SCFD2: variants seen among roughly 807,000 people sequenced by gnomAD.
The protein encoded by SCFD2 is sec1 family domain-containing protein 2.
SCFD2 carries 54 observed loss-of-function variants against 58.9 expected under a neutral mutation model. The ratio of observed to expected loss-of-function variants is 0.92; its 90% CI spans 0.74 to 1.15. SCFD2 has a LOEUF of 1.15. Among genes scored for constraint, SCFD2 ranks in the 50% most tolerant of loss-of-function variants. The probability of loss-of-function intolerance (pLI) is 0.00; values close to 1 mark genes in which losing one functional copy is unlikely to be tolerated. For missense variants in SCFD2, 805 were observed against 836.6 expected (o/e 0.96, Z 0.47); for synonymous variants, 321 against 335.9 (o/e 0.96, Z 0.49).
chr4:53,258,617 C>T (rs1180653489), intron 4 of SCFD2, among the ~76,000 whole-genome samples: 1 of 146,420 alleles, frequency 6.8e-6, no homozygotes, highest in Non-Finnish European at 1.5e-5. Context: ...TTTATCCACC[C>T]ATTGATTGAT....
intron 5 of SCFD2, among the ~76,000 whole-genome samples, chr4:53,040,290 G>C (rs942898368): frequency 2.0e-5 from 3 of 152,068 alleles, no homozygotes; most frequent in Admixed American, 2.0e-4. Flanking sequence ...TATGAGAGAG[G>C]GAGGTGAGCT....
intron 5 of SCFD2, among the ~76,000 whole-genome samples, chr4:53,138,581 T>C (rs891427464): frequency 6.6e-6 from 1 of 152,142 alleles, no homozygotes; most frequent in Non-Finnish European, 1.5e-5. Flanking sequence ...TCCCTACCAT[T>C]GAAAAGCAGA....
chr4:53,212,625 GTGT>G (rs1728657711), intron 4 of SCFD2, among the ~76,000 whole-genome samples: 1 of 142,574 alleles, frequency 7.0e-6, no homozygotes, highest in Admixed American at 6.9e-5. Flanking sequence ...GTGTCTGTGT[GTGT>G]TGACGTGGAA....
intron 4 of SCFD2, among the ~76,000 whole-genome samples, chr4:53,240,674 A>G (rs538428898): frequency 6.6e-6 from 1 of 152,380 alleles, no homozygotes; most frequent in East Asian, 1.9e-4. Flanking sequence ...TACAGAAAAC[A>G]AAACAAAACA....
intron 5 of SCFD2, among the ~76,000 whole-genome samples, chr4:52,998,913 G>A (rs1721803458): frequency 6.6e-6 from 1 of 152,064 alleles, no homozygotes; most frequent in Non-Finnish European, 1.5e-5. Context: ...TGAGCTATAG[G>A]GTTGGAGAAC....
intron 5 of SCFD2, among the ~76,000 whole-genome samples, chr4:52,970,832 G>T (rs957048251): frequency 6.6e-6 from 1 of 152,206 alleles, no homozygotes; most frequent in African/African-American, 2.4e-5. Context: ...CCAGAGGAAC[G>T]ATCAGGCAGC....
chr4:53,129,031 T>G (rs1298668466), intron 5 of SCFD2, among the ~76,000 whole-genome samples: 2 of 152,244 alleles, frequency 1.3e-5, no homozygotes, highest in Admixed American at 6.5e-5. Context: ...AAGAGTTTAG[T>G]CATTTTACAG....
intron 5 of SCFD2, among the ~76,000 whole-genome samples, chr4:52,946,209 C>T (rs1720421476): frequency 6.6e-6 from 1 of 151,978 alleles, no homozygotes; most frequent in Non-Finnish European, 1.5e-5. Flanking sequence ...GATGGTTTGC[C>T]AGCTATGTTT....
chr4:53,300,922 T>C (rs1481572310), intron 3 of SCFD2, among the ~76,000 whole-genome samples: 6 of 151,946 alleles, frequency 3.9e-5, no homozygotes, highest in African/African-American at 7.3e-5. Context: ...ACACAACATA[T>C]CAGAATCTCT....
At chr4:52,924,887 CAGCTCATTCCA>C (rs1193234416) in intron 5 of SCFD2, among the ~76,000 whole-genome samples, 1 of 152,178 alleles carries the variant, frequency 6.6e-6, no homozygotes, top group Non-Finnish European at 1.5e-5. Flanking sequence ...TCTGTGAATG[CAGCTCATTCCA>C]AATATATGCT....
chr4:53,263,152 A>G (rs1730876833), intron 4 of SCFD2, among the ~76,000 whole-genome samples: 2 of 151,742 alleles, frequency 1.3e-5, no homozygotes, highest in Admixed American at 1.3e-4. Context: ...TTTTCCTTTC[A>G]TATCCTATAT....
chr4:52,976,565 C>G (rs1721264899), intron 5 of SCFD2, among the ~76,000 whole-genome samples: 1 of 152,150 alleles, frequency 6.6e-6, no homozygotes, highest in African/African-American at 2.4e-5. Context: ...AAATACTAGG[C>G]TGGATGAACT....
At chr4:53,002,465 C>G (rs117050109) in intron 5 of SCFD2, among the ~76,000 whole-genome samples, 4 of 152,144 alleles carry the variant, frequency 2.6e-5, no homozygotes, top group African/African-American at 9.7e-5. Flanking sequence ...CTTAATATCA[C>G]TGGGGAAGGG....
intron 5 of SCFD2, among the ~76,000 whole-genome samples, chr4:52,970,336 T>A (rs4864702): frequency 0.4 from 61,000 of 152,154 alleles, 12,765 homozygotes; most frequent in Admixed American, 0.53. Flanking sequence ...GCACTTTTCC[T>A]ACAGTCTTAG....
intron 5 of SCFD2, among the ~76,000 whole-genome samples, chr4:52,926,721 C>T (rs1719873100): frequency 6.6e-6 from 1 of 152,138 alleles, no homozygotes; most frequent in African/African-American, 2.4e-5. Context: ...CTCCTGCCTG[C>T]CTGCCTATCA....
intron 5 of SCFD2, among the ~76,000 whole-genome samples, chr4:53,028,349 T>G (rs4864712): frequency 0.22 from 32,969 of 152,170 alleles, 6,010 homozygotes; most frequent in African/African-American, 0.5. Context: ...TTAGACAAAA[T>G]ACTGCCAATA....
intron 5 of SCFD2, among the ~76,000 whole-genome samples, chr4:52,983,472 G>T (rs749528448): frequency 2.0e-5 from 3 of 152,046 alleles, no homozygotes; most frequent in Non-Finnish European, 4.4e-5. Context: ...AGTTTAGTGG[G>T]GATTTATCTC....
chr4:52,877,137 G>A (rs140340889), intron 8 of SCFD2, among the ~76,000 whole-genome samples: 11 of 152,322 alleles, frequency 7.2e-5, no homozygotes, highest in Admixed American at 5.2e-4. Context: ...TGTCACTCTC[G>A]GGTAGTGTGC....
intron 5 of SCFD2, among the ~76,000 whole-genome samples, chr4:53,021,607 G>A (rs1722351498): frequency 6.6e-6 from 1 of 152,064 alleles, no homozygotes; most frequent in Non-Finnish European, 1.5e-5. Context: ...AAGTTCTCCA[G>A]GGGCGCAGCG....
Sources: gnomAD v4.1 joint callset for allele counts (sites outside exome capture counted in the v4.1 genomes callset) on GRCh38, gnomAD v4.1.1 for gene constraint, MANE v1.5 for transcripts, NCBI Gene and HGNC (gene_info 2026-07-23, HGNC 2026-07-21) for gene names.